Variants in ANO10 observed in about 807,000 individuals in gnomAD.
ANO10 encodes anoctamin-10.
A neutral mutation model predicts 74.7 loss-of-function variants in ANO10; 77 were observed. The observed-to-expected ratio is 1.03, with a 90% CI of 0.86 to 1.25. The LOEUF (loss-of-function observed/expected upper bound fraction) is 1.25, where lower values mean the gene tolerates loss of function less well. Ranked by LOEUF, ANO10 falls within the 50% of genes most tolerant of loss-of-function variation. ANO10 has a pLI of 0.00. For missense variants in ANO10, 721 were observed against 778.1 expected, an observed-to-expected ratio of 0.93 and a Z score of 0.87; for synonymous variants, 279 against 284.9, an observed-to-expected ratio of 0.98 and a Z score of 0.21.
At chr3:43,494,816 A>G (rs537895877) in intron 11 of ANO10, among the ~76,000 whole-genome samples, 16 of 152,344 alleles carry the variant, frequency 1.1e-4, no homozygotes, top group African/African-American at 3.8e-4. Flanking sequence ...TAGGAGGACA[A>G]ACTCATCACA....
chr3:43,690,831 C>G (rs2084353891), intron 1 of ANO10: 8 of 616,714 alleles, frequency 1.3e-5, no homozygotes, highest in Non-Finnish European at 1.7e-5. Context: ...GAGGCAAGGC[C>G]GCGCACGCGC....
intron 7 of ANO10, among the ~76,000 whole-genome samples, chr3:43,567,047 A>G (rs898489605): frequency 3.3e-5 from 5 of 152,222 alleles, no homozygotes; most frequent in African/African-American, 1.2e-4. Flanking sequence ...CAGAAGCCTC[A>G]GGAGCTGATG....
intron 1 of ANO10, among the ~76,000 whole-genome samples, chr3:43,648,738 G>A (rs962918109): frequency 5.4e-5 from 8 of 148,518 alleles, no homozygotes; most frequent in African/African-American, 1.5e-4. Context: ...GTGCAGTGGC[G>A]TGATCTTGCC....
Position 43,444,788 on chromosome 3 carries a change from T to G in ANO10, c.1798-12061A>C, listed in dbSNP as rs553803832. 3.1e-4 allele frequency among the ~76,000 whole-genome samples: 47 copies of G among 152,142 alleles called. No homozygotes were observed. The Middle Eastern group carries it at 0.017, about 55-fold the overall frequency. ...GGACACTCCAGGTGGCCTAAATATA[T>G]GTCAGAGTTAGAATAAAAAGCAAGG... On this transcript the variant is annotated intron_variant, in intron 11 of 12. Transcript: ENST00000292246.
intron 12 of ANO10, among the ~76,000 whole-genome samples, chr3:43,427,677 C>T (rs1482178381): frequency 6.6e-6 from 1 of 152,168 alleles, no homozygotes; most frequent in African/African-American, 2.4e-5. Flanking sequence ...GCTCTCTCTG[C>T]TTTTGTTACG....
rs7637284 is a variant in ANO10, at chr3:43,572,808, C to T, written c.1218+2001G>A. 4.4e-3 allele frequency among the ~76,000 whole-genome samples: 671 copies of T among 152,202 alleles called. 4 individuals carry two copies. Among genetic ancestry groups the T allele is most frequent in the African/African-American group, 0.015 (640 of 41,518 alleles). On this transcript the variant is annotated intron_variant, in intron 7 of 12. Transcript: ENST00000292246. ...TACAGGTGTGAGTGCTTAATTACTGCGGAGATGGGGAGTCATTCTAGAAAG... is the reference window on the plus strand; with the variant it reads ...TACAGGTGTGAGTGCTTAATTACTGTGGAGATGGGGAGTCATTCTAGAAAG...
chr3:43,665,419 T>G (rs907840326), intron 1 of ANO10, among the ~76,000 whole-genome samples: 2 of 152,150 alleles, frequency 1.3e-5, no homozygotes, highest in Non-Finnish European at 2.9e-5. Flanking sequence ...AAATACCTAA[T>G]GTAGGTGACA....
intron 11 of ANO10, among the ~76,000 whole-genome samples, chr3:43,467,971 A>C (rs1251061062): frequency 6.6e-6 from 1 of 152,228 alleles, no homozygotes; most frequent in Non-Finnish European, 1.5e-5. Context: ...TTTAGCTTTC[A>C]TCACAGTGAT....
At position 43,447,018 on chromosome 3, in the gene ANO10, ACTGTT is replaced by A. The variant is rs2093256637; in HGVS notation, c.1798-14296_1798-14292del. On this transcript the variant is annotated intron_variant, in intron 11 of 12. Coordinates refer to ENST00000292246, the MANE Select transcript of ANO10 (RefSeq NM_018075.5). ...TTATATAAAAGGAGCATACAGAAATACTGTTCAGCATTTTCCTTTTTTGTATTTCC... is the reference window on the plus strand; with the variant it reads ...TTATATAAAAGGAGCATACAGAAATACAGCATTTTCCTTTTTTGTATTTCC... 2.0e-5 allele frequency among the ~76,000 whole-genome samples: 3 copies of A among 152,136 alleles called. No individual in the cohort carries two copies. The South Asian group carries it at 6.2e-4, about 32-fold the overall frequency.
chr3:43,370,503 C>G (rs1163750081), intron 12 of ANO10, among the ~76,000 whole-genome samples: 3 of 120,468 alleles, frequency 2.5e-5, no homozygotes, highest in Non-Finnish European at 4.8e-5. Flanking sequence ...CAGGCTGCCT[C>G]TGGCAGCTCA....
chr3:43,434,807 C>T (rs548463628), intron 11 of ANO10, among the ~76,000 whole-genome samples: 34 of 152,044 alleles, frequency 2.2e-4, no homozygotes, highest in Admixed American at 1.7e-3. Flanking sequence ...GGTTTCCATG[C>T]GAACTGTTCA....
rs150665738 is a variant in ANO10, at chr3:43,559,421, T to G, written c.1476+1799A>C. Among the ~76,000 whole-genome samples, 737 of 152,314 alleles carry G rather than the reference T, an allele frequency of 4.8e-3. 7 individuals carry two copies. The highest frequency in any genetic ancestry group is 0.015 in the African/African-American group (642 of 41,568). On this transcript the variant is annotated intron_variant, in intron 9 of 12. Coordinates refer to ENST00000292246, the MANE Select transcript of ANO10 (RefSeq NM_018075.5). ...CAGCTGAAAGCAGATTCTAATTGAT[T>G]ATAGAAAGAGAAGTAGGAAACTAAA...
chr3:43,432,944 C>CTTTTTTTTTATTTTTTTTTTTTTTTT (rs2093008867), intron 11 of ANO10, among the ~76,000 whole-genome samples: 1 of 55,276 alleles, frequency 1.8e-5, no homozygotes, highest in Non-Finnish European at 3.3e-5. Flanking sequence ...TTGCTTAATT[C>CTTTTTTTTTATTTTTTTTTTTTTTTT]TTTTTTTTTT....
At chr3:43,414,723 T>C (rs2148899332) in intron 12 of ANO10, among the ~76,000 whole-genome samples, 1 of 152,312 alleles carries the variant, frequency 6.6e-6, no homozygotes, top group South Asian at 2.1e-4. Context: ...TGGTTTCTTC[T>C]TTTCTGGAAG....
At chr3:43,369,948 C>T (rs1389045830) in intron 12 of ANO10, among the ~76,000 whole-genome samples, 1 of 152,188 alleles carries the variant, frequency 6.6e-6, no homozygotes. Context: ...GGAGTCAGAG[C>T]CACAGATACT....
chr3:43,423,798 A>T (rs1019980174), intron 12 of ANO10, among the ~76,000 whole-genome samples: 2 of 152,220 alleles, frequency 1.3e-5, no homozygotes, highest in African/African-American at 2.4e-5. Context: ...TGTTCTGAAG[A>T]GACACTGGCA....
At chr3:43,379,908 C>T (rs1012564822) in intron 12 of ANO10, among the ~76,000 whole-genome samples, 36 of 152,136 alleles carry the variant, frequency 2.4e-4, no homozygotes, top group African/African-American at 7.7e-4. Context: ...CAGAGAAAGG[C>T]GAAGTCCAAC....
chr3:43,407,566 G>C (rs1172828872), intron 12 of ANO10, among the ~76,000 whole-genome samples: 1 of 152,154 alleles, frequency 6.6e-6, no homozygotes, highest in Non-Finnish European at 1.5e-5. Flanking sequence ...GCAAATATGG[G>C]ATCACCAGGT....
chr3:43,454,887 A>C (rs758657920), intron 11 of ANO10, among the ~76,000 whole-genome samples: 1 of 152,186 alleles, frequency 6.6e-6, no homozygotes, highest in African/African-American at 2.4e-5. Flanking sequence ...AGGGTAGAAG[A>C]AATAACAGCA....
Sources: gnomAD v4.1 joint callset for allele counts (sites outside exome capture counted in the v4.1 genomes callset) on GRCh38, gnomAD v4.1.1 for gene constraint, MANE v1.5 for transcripts, NCBI Gene and HGNC (gene_info 2026-07-23, HGNC 2026-07-21) for gene names.